The following FMNL2 variants were observed in gnomAD, a reference collection of about 807,000 sequenced individuals.
FMNL2 encodes formin-like protein 2.
In FMNL2, 51 loss-of-function variants were observed where a neutral mutation model predicts 130.2. The ratio of observed to expected loss-of-function variants is 0.39; its 90% CI spans 0.31 to 0.49. The LOEUF (loss-of-function observed/expected upper bound fraction) is 0.49, where lower values mean the gene tolerates loss of function less well. Among genes scored for constraint, FMNL2 ranks in the 20% least tolerant of loss-of-function variants. The pLI is 0.85. For synonymous variants in FMNL2, 465 were observed against 467.1 expected, an observed-to-expected ratio of 1.00 and a Z score of 0.06; for missense variants, 977 against 1,316.2, an observed-to-expected ratio of 0.74 and a Z score of 3.99.
In FMNL2 at chr2:152,641,630, C is replaced by T. The variant is rs532996545; in HGVS notation, c.3169+716C>T. ...GACAGTCCAATAATATGCAGATGTA[C>T]TGAAAATAGTATGATGAGGTCCCAT... On this transcript the variant is annotated intron_variant, in intron 25 of 25. Coordinates refer to ENST00000288670, the MANE Select transcript of FMNL2 (RefSeq NM_052905.4). Among the ~76,000 whole-genome samples the T allele has an allele frequency of 2.0e-4, 30 of 152,252 alleles. 2 individuals are homozygous for T. In the South Asian group the frequency reaches 6.2e-3, roughly 32 times the overall value.
chr2:152,438,395 C>G (rs768657138), intron 1 of FMNL2, among the ~76,000 whole-genome samples: 9 of 152,086 alleles, frequency 5.9e-5, no homozygotes, highest in Non-Finnish European at 1.0e-4. Context: ...GATGCAGGTT[C>G]TAAATTAGAG....
chr2:152,638,550 A>C (rs1261824172), intron 23 of FMNL2, among the ~76,000 whole-genome samples: 2 of 152,216 alleles, frequency 1.3e-5, no homozygotes, highest in Non-Finnish European at 2.9e-5. Flanking sequence ...CCTTTTACTA[A>C]AACTCAGAAA....
intron 1 of FMNL2, among the ~76,000 whole-genome samples, chr2:152,502,763 G>A (rs1691919422): frequency 6.6e-6 from 1 of 152,084 alleles, no homozygotes; most frequent in South Asian, 2.1e-4. Flanking sequence ...GGAGAGGAAG[G>A]TACAGAAGTA....
intron 1 of FMNL2, among the ~76,000 whole-genome samples, chr2:152,476,089 A>G (rs926919736): frequency 7.2e-5 from 11 of 152,270 alleles, no homozygotes; most frequent in Non-Finnish European, 1.6e-4. Flanking sequence ...CTCCTCTTTT[A>G]TGAATACAAT....
intron 1 of FMNL2, among the ~76,000 whole-genome samples, chr2:152,458,899 G>A (rs1363672081): frequency 1.3e-5 from 2 of 152,158 alleles, no homozygotes; most frequent in Admixed American, 1.3e-4. Context: ...AGTGTGTCTT[G>A]TGGGAAGTGT....
At chr2:152,416,792 C>T (rs1686640778) in intron 1 of FMNL2, among the ~76,000 whole-genome samples, 1 of 152,190 alleles carries the variant, frequency 6.6e-6, no homozygotes, top group Non-Finnish European at 1.5e-5. Context: ...ACAGCCAAGG[C>T]ATGAAAATGT....
intron 9 of FMNL2, among the ~76,000 whole-genome samples, chr2:152,605,872 G>A (rs1293662251): frequency 2.6e-5 from 4 of 152,162 alleles, no homozygotes; most frequent in East Asian, 3.8e-4. Flanking sequence ...ATTTACCCCC[G>A]GTGGTGCCTG....
chr2:152,468,331 T>G (rs1689667058), intron 1 of FMNL2, among the ~76,000 whole-genome samples: 1 of 152,228 alleles, frequency 6.6e-6, no homozygotes. Flanking sequence ...GCACTTGAAA[T>G]GTGGCTAGTG....
At chr2:152,644,402 A>G (rs1410976556) in intron 25 of FMNL2, among the ~76,000 whole-genome samples, 1 of 152,198 alleles carries the variant, frequency 6.6e-6, no homozygotes, top group Non-Finnish European at 1.5e-5. Context: ...ACTGTGAACT[A>G]TGCACAGCTG....
intron 25 of FMNL2, among the ~76,000 whole-genome samples, chr2:152,647,472 A>G (rs955806534): frequency 7.2e-5 from 11 of 152,218 alleles, no homozygotes; most frequent in African/African-American, 2.4e-4. Context: ...AAACAAAACA[A>G]AAAAATTAAG....
At position 152,403,144 on chromosome 2, in the gene FMNL2, A is replaced by G. The variant is rs140982465; in HGVS notation, c.117+67424A>G. ...AGAGGTAAAGTGCCATTTTCATCAC[A>G]TATCAGTGTGACTTATCACATGCTG... is the stretch of plus-strand genomic sequence containing the variant. On this transcript the variant is annotated intron_variant, in intron 1 of 25. Transcript: ENST00000288670. Among the ~76,000 whole-genome samples the G allele has an allele frequency of 3.0e-3, 456 of 152,076 alleles. 4 individuals carry two copies. Among genetic ancestry groups the G allele is most frequent in the Non-Finnish European group, 4.6e-3 (312 of 68,008 alleles).
At chr2:152,578,201 G>A (rs183513314) in intron 7 of FMNL2, among the ~76,000 whole-genome samples, 1 of 152,260 alleles carries the variant, frequency 6.6e-6, no homozygotes, top group Admixed American at 6.5e-5. Context: ...TGTTTTCTCT[G>A]ATGAGCTGAG....
At chr2:152,458,933 CTG>C (rs1191291187) in intron 1 of FMNL2, among the ~76,000 whole-genome samples, 3 of 152,190 alleles carry the variant, frequency 2.0e-5, no homozygotes, top group Admixed American at 1.3e-4. Context: ...GGGCACCAAA[CTG>C]TGCACCATCG....
chr2:152,421,468 G>T (rs1686919364), intron 1 of FMNL2, among the ~76,000 whole-genome samples: 1 of 152,174 alleles, frequency 6.6e-6, no homozygotes, highest in Non-Finnish European at 1.5e-5. Flanking sequence ...GCAATTGTGA[G>T]ATGTAAATCT....
At chr2:152,365,343 A>G (rs1297751063) in intron 1 of FMNL2, among the ~76,000 whole-genome samples, 3 of 152,172 alleles carry the variant, frequency 2.0e-5, no homozygotes, top group African/African-American at 7.2e-5. Context: ...AAGACTGCAT[A>G]TAGTTGCTAT....
intron 1 of FMNL2, among the ~76,000 whole-genome samples, chr2:152,509,737 CTT>C (rs138976882): frequency 1.5e-4 from 9 of 58,682 alleles, no homozygotes; most frequent in African/African-American, 3.6e-4. Context: ...TACTCTGGAC[CTT>C]TTTTTTTTTT....
chr2:152,495,700 T>A (rs1290419151), intron 1 of FMNL2, among the ~76,000 whole-genome samples: 1 of 118,998 alleles, frequency 8.4e-6, no homozygotes, highest in Non-Finnish European at 1.8e-5. Context: ...CTTTTACACC[T>A]CCTAGTTGAG....
intron 1 of FMNL2, among the ~76,000 whole-genome samples, chr2:152,511,429 T>C (rs1004122654): frequency 6.6e-6 from 1 of 152,252 alleles, no homozygotes; most frequent in African/African-American, 2.4e-5. Flanking sequence ...ACAGCAAGTC[T>C]ACCTTTGAAG....
chr2:152,512,383 T>C (rs6434078), intron 1 of FMNL2, among the ~76,000 whole-genome samples: 110,804 of 152,014 alleles, frequency 0.73, 42,416 homozygotes, highest in Non-Finnish European at 0.86. Context: ...GGATGTGTGG[T>C]TTTTCCATCT....
Sources: allele counts gnomAD v4.1 joint callset (sites outside exome capture counted in the v4.1 genomes callset), GRCh38; gene constraint gnomAD v4.1.1; transcripts MANE v1.5; gene names NCBI Gene and HGNC (gene_info 2026-07-23, HGNC 2026-07-21).